Variants in PAK5 observed in about 807,000 individuals in gnomAD.
PAK5 encodes the protein p21 (RAC1) activated kinase 5.
PAK5 carries 16 observed loss-of-function variants against 65.9 expected under a neutral mutation model. The ratio of observed to expected loss-of-function variants is 0.24; its 90% CI spans 0.16 to 0.37. PAK5 has a LOEUF of 0.37. Among genes scored for constraint, PAK5 ranks in the 10% least tolerant of loss-of-function variants. The pLI, the probability that PAK5 is intolerant of heterozygous loss-of-function variation, is 1.00. For synonymous variants in PAK5, 371 were observed against 354.9 expected (o/e 1.05, Z -0.51); for missense variants, 785 against 903.9 (o/e 0.87, Z 1.69).
chr20:9,669,929 C>A (rs975403370), intron 2 of PAK5, among the ~76,000 whole-genome samples: 9 of 152,068 alleles, frequency 5.9e-5, no homozygotes, highest in African/African-American at 1.9e-4. Context: ...TGCCTCCCCC[C>A]CACCCCACAA....
chr20:9,787,711 A>G (rs2049007693), intron 1 of PAK5, among the ~76,000 whole-genome samples: 2 of 151,774 alleles, frequency 1.3e-5, no homozygotes, highest in South Asian at 4.2e-4. Context: ...TGGCTTTCCA[A>G]AAAAAAATTC....
At chr20:9,728,711 T>C (rs533659963) in intron 1 of PAK5, among the ~76,000 whole-genome samples, 1 of 151,918 alleles carries the variant, frequency 6.6e-6, no homozygotes, top group East Asian at 1.9e-4. Context: ...TAAGTTCAGT[T>C]TACAGCAGGA....
chr20:9,539,092 T>C lies in PAK5; in HGVS notation c.*370A>G, dbSNP rs1181038869. The C allele has an allele frequency of 4.9e-5, 11 of 224,914 alleles. No homozygotes were observed. The highest frequency in any genetic ancestry group is 6.5e-5 in the East Asian group (1 of 15,386). 13.9% of individuals were successfully genotyped at this position (224,914 alleles called of 1,614,324 possible). On this transcript the variant is annotated 3_prime_UTR_variant, in exon 10 of 10. Transcript: ENST00000353224. ...GCTTTTTGTTTTCCTTTCTTTCTTT[T>C]TTTTTTTTTTTTGCCAGAAAAGTAT...
chr20:9,656,721 T>C (rs1443064649), intron 2 of PAK5, among the ~76,000 whole-genome samples: 1 of 152,200 alleles, frequency 6.6e-6, no homozygotes, highest in East Asian at 1.9e-4. Context: ...CTATGTCAAA[T>C]GTTGTGAACA....
At chr20:9,562,147 C>T (rs932913280) in intron 6 of PAK5, among the ~76,000 whole-genome samples, 2 of 152,288 alleles carry the variant, frequency 1.3e-5, no homozygotes, top group Non-Finnish European at 1.5e-5. Context: ...TATTTATTGA[C>T]TCTTTCTGAG....
intron 2 of PAK5, among the ~76,000 whole-genome samples, chr20:9,659,370 C>T (rs576293989): frequency 6.6e-6 from 1 of 152,178 alleles, no homozygotes; most frequent in African/African-American, 2.4e-5. Flanking sequence ...TAATTCTGCT[C>T]TTTTCCATCT....
In PAK5 at chr20:9,615,118, T is replaced by C. The variant is rs117547261; in HGVS notation, c.204+29007A>G. 8.2e-3 allele frequency among the ~76,000 whole-genome samples: 1,243 copies of C among 152,310 alleles called. 3 individuals are homozygous for C. The highest frequency in any genetic ancestry group is 0.013 in the Non-Finnish European group (913 of 68,032). On this transcript the variant is annotated intron_variant, in intron 3 of 9. Transcript: ENST00000353224. ...ATATAATTCCAACCACAGGACTCAC[T>C]GGAACAGGTAAAACTAAGGTGGCAA... is the stretch of plus-strand genomic sequence containing the variant.
chr20:9,648,882 C>A (rs1013481332), intron 2 of PAK5, among the ~76,000 whole-genome samples: 3 of 152,130 alleles, frequency 2.0e-5, no homozygotes, highest in Admixed American at 2.0e-4. Context: ...CATGTCTCTC[C>A]ATAAAGGCCC....
chr20:9,677,845 C>A (rs2047595592), intron 2 of PAK5, among the ~76,000 whole-genome samples: 1 of 152,192 alleles, frequency 6.6e-6, no homozygotes, highest in Non-Finnish European at 1.5e-5. Context: ...ACCGTTTATG[C>A]TCATCACCAC....
chr20:9,756,127 T>C (rs2048631235), intron 1 of PAK5, among the ~76,000 whole-genome samples: 1 of 152,130 alleles, frequency 6.6e-6, no homozygotes, highest in African/African-American at 2.4e-5. Flanking sequence ...GCTAATTAAA[T>C]CCCAAACTCA....
chr20:9,682,711 G>A (rs926162846), intron 2 of PAK5, among the ~76,000 whole-genome samples: 1 of 152,164 alleles, frequency 6.6e-6, no homozygotes, highest in Non-Finnish European at 1.5e-5. Context: ...GGTTCTTTAT[G>A]TTCTTACACA....
At chr20:9,610,728 T>C (rs992812379) in intron 3 of PAK5, among the ~76,000 whole-genome samples, 5 of 152,186 alleles carry the variant, frequency 3.3e-5, no homozygotes, top group Non-Finnish European at 7.3e-5. Context: ...TTGTTTCTAA[T>C]GGTCTGTGCC....
chr20:9,673,752 T>A (rs1179293363), intron 2 of PAK5, among the ~76,000 whole-genome samples: 1 of 152,152 alleles, frequency 6.6e-6, no homozygotes, highest in Non-Finnish European at 1.5e-5. Context: ...ATTATAGTTT[T>A]TATGGGACAT....
chr20:9,562,952 G>A lies in PAK5; in HGVS notation c.1555C>T (p.Leu519Phe), dbSNP rs1308740724. 6.2e-7 allele frequency: 1 copy of A among 1,613,270 alleles called. No homozygotes were observed. Among genetic ancestry groups the A allele is most frequent in the Non-Finnish European group, 8.5e-7 (1 of 1,179,354 alleles). ...TCTAGAAACTCCATGACCACCCAGAGCTCATCGCCGACAAGGTAGCTGCTG... is the reference window on the plus strand; with the variant it reads ...TCTAGAAACTCCATGACCACCCAGAACTCATCGCCGACAAGGTAGCTGCTG... ...MYSSYLVGDELWVVMEFLEGG... is the reference protein window; with the variant it reads ...MYSSYLVGDEFWVVMEFLEGG... Residue 519 changes from leucine (L) to phenylalanine (F), a missense_variant, in exon 6 of 10, where the codon CTC becomes TTC. This residue lies in a region of PAK5 where 182 missense variants were observed against 273.0 expected (regional missense o/e 0.67). Coordinates refer to ENST00000353224, the MANE Select transcript of PAK5 (RefSeq NM_177990.4).
chr20:9,613,979 C>A (rs1045795923), intron 3 of PAK5, among the ~76,000 whole-genome samples: 2 of 152,190 alleles, frequency 1.3e-5, no homozygotes, highest in African/African-American at 4.8e-5. Context: ...AAGGTAAAGA[C>A]CACAGTCTGA....
chr20:9,594,382 A>T (rs1440447161), intron 3 of PAK5, among the ~76,000 whole-genome samples: 1 of 152,236 alleles, frequency 6.6e-6, no homozygotes, highest in Admixed American at 6.5e-5. Flanking sequence ...CTTCTAAATT[A>T]GTCTGCCTTG....
chr20:9,625,630 A>G (rs562473586), intron 3 of PAK5, among the ~76,000 whole-genome samples: 2 of 152,166 alleles, frequency 1.3e-5, no homozygotes, highest in East Asian at 3.9e-4. Flanking sequence ...TACAGTGGCT[A>G]TTCACAGGCA....
intron 1 of PAK5, among the ~76,000 whole-genome samples, chr20:9,766,416 T>TATATATTCAA: frequency 5.4e-5 from 1 of 18,466 alleles, no homozygotes; most frequent in African/African-American, 4.2e-4. Context: ...AGAATATATA[T>TATATATTCAA]GTATATATAT....
intron 1 of PAK5, among the ~76,000 whole-genome samples, chr20:9,821,630 C>A (rs2049422268): frequency 2.0e-5 from 3 of 152,122 alleles, no homozygotes; most frequent in Admixed American, 6.6e-5. Context: ...TTTTGAGATC[C>A]TACTTCAGGC....
Sources: allele counts gnomAD v4.1 joint callset (sites outside exome capture counted in the v4.1 genomes callset), GRCh38; gene constraint gnomAD v4.1.1; regional missense constraint gnomAD v4.1.1; transcripts MANE v1.5; gene names NCBI Gene and HGNC (gene_info 2026-07-23, HGNC 2026-07-21).